KRT7: variants seen among roughly 807,000 people sequenced by gnomAD.
The protein encoded by KRT7 is keratin 7.
In KRT7, 50 loss-of-function variants were observed where a neutral mutation model predicts 42.8. The observed-to-expected ratio is 1.17, with a 90% CI of 0.93 to 1.48. The LOEUF (loss-of-function observed/expected upper bound fraction) is 1.48, where lower values mean the gene tolerates loss of function less well. Among genes scored for constraint, KRT7 ranks in the 40% most tolerant of loss-of-function variants. The probability of loss-of-function intolerance (pLI) is 0.00; values close to 1 mark genes in which losing one functional copy is unlikely to be tolerated. For missense variants in KRT7, 588 were observed against 637.6 expected (o/e 0.92, Z 0.84); for synonymous variants, 268 against 266.3 (o/e 1.01, Z -0.06).
intron 2 of KRT7, among the ~76,000 whole-genome samples, chr12:52,236,339 G>A (rs1372285916): frequency 1.3e-5 from 2 of 152,044 alleles, no homozygotes; most frequent in Non-Finnish European, 2.9e-5. Flanking sequence ...GTGTGCATGC[G>A]TGTGTGCATA....
rs913626031 is a variant in KRT7, at chr12:52,233,393, G to T, written c.97G>T (p.Gly33Cys). The T allele has an allele frequency of 1.3e-6, 2 of 1,564,662 alleles. No individual in the cohort carries two copies. The highest frequency in any genetic ancestry group is 2.9e-5 in the African/African-American group (2 of 69,862). ...GCGCCTGAGCTCCGCTCGCCCCGGC[G>T]GCCTTGGCAGCAGCAGCCTCTACGG... ...QVRLSSARPGGLGSSSLYGLG... is the reference protein window; with the variant it reads ...QVRLSSARPGCLGSSSLYGLG... The change falls in exon 1 of 9, where the codon GGC (glycine) becomes TGC (cysteine). Residue 33 changes from glycine to cysteine, a missense_variant. By Grantham distance (159) the Gly-to-Cys change is radical. Coordinates refer to ENST00000331817, the MANE Select transcript of KRT7 (RefSeq NM_005556.4).
intron 3 of KRT7, among the ~76,000 whole-genome samples, chr12:52,238,111 T>G (rs1321458578): frequency 6.6e-6 from 1 of 152,152 alleles, no homozygotes; most frequent in African/African-American, 2.4e-5. Context: ...AGCTGGGCCC[T>G]TGGAGATTCA....
At chr12:52,252,759 C>A (rs111698861), downstream of KRT7, among the ~76,000 whole-genome samples, 1,817 of 152,320 alleles carry the variant, frequency 0.012, 46 homozygotes, top group African/African-American at 0.042. Context: ...ATCTGCCTAG[C>A]CCTGCCTTTT....
At chr12:52,233,665 C>A in intron 1 of KRT7, 45 bp downstream of exon 1, 1 of 1,588,090 alleles carries the variant, frequency 6.3e-7, no homozygotes, top group Non-Finnish European at 8.6e-7. Flanking sequence ...GCGCTCCAGA[C>A]CACACCAGCC....
At chr12:52,238,849 C>A in intron 4 of KRT7, 74 bp downstream of exon 4, 1 of 941,848 alleles carries the variant, frequency 1.1e-6, no homozygotes, top group Non-Finnish European at 1.7e-6. Flanking sequence ...TCCAGCCCCC[C>A]GCCTCTGTGT....
downstream of KRT7, chr12:52,254,206 C>A: frequency 1.6e-6 from 1 of 637,566 alleles, no homozygotes; most frequent in South Asian, 1.4e-5. Flanking sequence ...TGAATGGTGA[C>A]AAGTATTTTC....
chr12:52,241,627 C>T lies in KRT7; in HGVS notation c.849C>T (p.Tyr283=). Residue 283 remains tyrosine, a synonymous_variant, in exon 5 of 9, where the codon TAC becomes TAT. Coordinates refer to ENST00000331817, the MANE Select transcript of KRT7 (RefSeq NM_005556.4). ...GCCGGGCTGAGGCTGAAGCCTGGTACCAGACCAAGGTGTGAGGCCACCAGG... is the reference window on the plus strand; with the variant it reads ...GCCGGGCTGAGGCTGAAGCCTGGTATCAGACCAAGGTGTGAGGCCACCAGG... The part of the protein sequence containing the change: ...KCSRAEAEAW[Y]QTKFETLQAQ... 6.2e-7 allele frequency: 1 copy of T among 1,609,450 alleles called. No individual in the cohort carries two copies.
chr12:52,248,813 T>C lies in KRT7; in HGVS notation c.*53T>C. On this transcript the variant is annotated 3_prime_UTR_variant, in exon 9 of 9. Transcript: ENST00000331817. ...GCCACCACCCACAATCACAAGAAGA[T>C]TCCCACCCCTGCCTCCCATGCCTGG... 6.9e-7 allele frequency: 1 copy of C among 1,458,884 alleles called. No individual in the cohort carries two copies. 90.4% of individuals were successfully genotyped at this position (1,458,884 alleles called of 1,614,324 possible). A position where few individuals can be genotyped will look rare whatever the true frequency, so the allele number is the denominator to read the frequency against.
In KRT7 at chr12:52,237,535, C is replaced by T. The variant is rs772849505; in HGVS notation, c.563C>T (p.Thr188Ile). ...NKYEDEINHR[T>I]AAENEFVVLK... ...TACGAAGATGAAATTAACCACCGCA[C>T]AGCTGCTGAGAATGAGTTTGTGGTG... Residue 188 changes from threonine (T) to isoleucine (I), a missense_variant, in exon 3 of 9, where the codon ACA (threonine) becomes ATA (isoleucine). Transcript: ENST00000331817. The T allele has an allele frequency of 1.2e-6, 2 of 1,612,278 alleles. No homozygotes were observed. The highest frequency in any genetic ancestry group is 1.1e-5 in the South Asian group (1 of 90,804).
intron 2 of KRT7, among the ~76,000 whole-genome samples, chr12:52,236,073 C>T (rs569577909): frequency 1.3e-5 from 2 of 151,978 alleles, no homozygotes; most frequent in South Asian, 2.1e-4. Flanking sequence ...TGGGCCCCAC[C>T]CTGGCACACC....
downstream of KRT7, among the ~76,000 whole-genome samples, chr12:52,255,683 C>T (rs906246982): frequency 1.3e-5 from 2 of 152,220 alleles, no homozygotes; most frequent in African/African-American, 4.8e-5. Context: ...TGTTTCTGGG[C>T]TGTAACTCCT....
At chr12:52,255,128 C>T (rs900688742), downstream of KRT7, among the ~76,000 whole-genome samples, 1 of 152,230 alleles carries the variant, frequency 6.6e-6, no homozygotes, top group Non-Finnish European at 1.5e-5. Flanking sequence ...CTGAAGCAGG[C>T]AGTGTATTCT....
chr12:52,242,014 G>A (rs1033188698), intron 5 of KRT7: 2 of 152,476 alleles, frequency 1.3e-5, no homozygotes, highest in African/African-American at 4.8e-5. Flanking sequence ...CTGTCACCCA[G>A]GCTGAAGTGC....
intron 8 of KRT7, 81 bp downstream of exon 8, chr12:52,248,292 C>T (rs1942207049): frequency 7.0e-7 from 1 of 1,436,714 alleles, no homozygotes; most frequent in Admixed American, 1.7e-5. Context: ...GCAGACTGGC[C>T]CAGGGCCCTG....
chr12:52,254,415 C>T (rs568385031), downstream of KRT7: 130 of 625,324 alleles, frequency 2.1e-4, 1 homozygote, highest in South Asian at 1.5e-3. Flanking sequence ...AATTCAGAAC[C>T]CTTGTTTTTT....
rs774359240 is a variant in KRT7 at position 52,235,148 on chromosome 12, G to A, written c.325-7G>A. ...CTCTTGAGTTTCCTCCTTCTCGCCC[G>A]TTCTAGGTGCGGTTTCTGGAGCAGC... is the stretch of plus-strand genomic sequence containing the variant. On this transcript the variant is annotated splice_polypyrimidine_tract_variant and splice_region_variant and intron_variant, in intron 1 of 8. Coordinates refer to ENST00000331817, the MANE Select transcript of KRT7 (RefSeq NM_005556.4). 69 of 1,613,716 alleles carry A rather than the reference G, an allele frequency of 4.3e-5. No homozygotes were observed. Among genetic ancestry groups the A allele is most frequent in the East Asian group, 2.9e-4 (13 of 44,892 alleles).
At chr12:52,255,045 C>T (rs117939606), downstream of KRT7, among the ~76,000 whole-genome samples, 2,726 of 152,314 alleles carry the variant, frequency 0.018, 31 homozygotes, top group Middle Eastern at 0.048. Context: ...CTATGCCAGG[C>T]GCAGGGCCGA....
In KRT7 at chr12:52,248,624, GC is replaced by G; in HGVS notation, c.1275del (p.Gly426ValfsTer5). The G allele has an allele frequency of 6.2e-7, 1 of 1,602,040 alleles. No individual in the cohort carries two copies. The highest frequency in any genetic ancestry group is 1.7e-5 in the Admixed American group (1 of 57,446). ...VMNSTGGSSS[G>X]GGIGLTLGGT... Reference sequence around the variant, plus strand: ...AATTCCACTGGTGGCAGTAGCAGTGGCGGTGGCATTGGGCTGACCCTCGGGG... The same window carrying G: ...AATTCCACTGGTGGCAGTAGCAGTGGGGTGGCATTGGGCTGACCCTCGGGG... On this transcript the variant is annotated frameshift_variant, in exon 9 of 9. Coordinates refer to ENST00000331817, the MANE Select transcript of KRT7 (RefSeq NM_005556.4). LOFTEE classifies it low-confidence loss of function (END_TRUNC).
chr12:52,239,848 G>C (rs1470998762), intron 4 of KRT7, among the ~76,000 whole-genome samples: 2 of 152,156 alleles, frequency 1.3e-5, no homozygotes, highest in African/African-American at 4.8e-5. Context: ...GGGGTTTCCA[G>C]CTCTTTTTCT....
Sources: gnomAD v4.1 joint callset for allele counts (sites outside exome capture counted in the v4.1 genomes callset) on GRCh38, gnomAD v4.1.1 for gene constraint, MANE v1.5 for transcripts, NCBI Gene and HGNC (gene_info 2026-07-23, HGNC 2026-07-21) for gene names.